RGS22: variants seen among roughly 807,000 people sequenced by gnomAD.
The protein encoded by RGS22 is regulator of G protein signaling 22.
In RGS22, 148 loss-of-function variants were observed where a neutral mutation model predicts 172.9. That is an observed-to-expected ratio of 0.86 (90% confidence interval 0.75 to 0.98). The LOEUF (loss-of-function observed/expected upper bound fraction) is 0.98. Ranked by LOEUF, RGS22 falls within the 50% of genes least tolerant of loss-of-function variation. The probability of loss-of-function intolerance (pLI) is 0.00; values close to 1 mark genes in which losing one functional copy is unlikely to be tolerated. For missense variants in RGS22, 1,347 were observed against 1,440.8 expected, an observed-to-expected ratio of 0.93 and a Z score of 1.05; for synonymous variants, 458 against 480.2, an observed-to-expected ratio of 0.95 and a Z score of 0.60.
chr8:99,980,102 T>C (rs1226862595), intron 22 of RGS22, among the ~76,000 whole-genome samples: 1 of 152,150 alleles, frequency 6.6e-6, no homozygotes, highest in African/African-American at 2.4e-5. Flanking sequence ...AGTTTTAAAA[T>C]TATTATTTGT....
intron 22 of RGS22, among the ~76,000 whole-genome samples, chr8:99,978,940 G>A (rs1812260528): frequency 6.6e-6 from 1 of 152,174 alleles, no homozygotes; most frequent in Non-Finnish European, 1.5e-5. Context: ...GATCAACAGA[G>A]ACCTGAAATG....
chr8:100,059,479 A>G (rs768731883), intron 9 of RGS22, among the ~76,000 whole-genome samples: 1 of 152,012 alleles, frequency 6.6e-6, no homozygotes, highest in Non-Finnish European at 1.5e-5. Flanking sequence ...AAAAAAAAGC[A>G]GGAGTAGCTA....
At chr8:100,079,171 TA>T (rs947982416) in intron 4 of RGS22, among the ~76,000 whole-genome samples, 5 of 152,210 alleles carry the variant, frequency 3.3e-5, no homozygotes, top group African/African-American at 1.2e-4. Context: ...AGGAAGTGAA[TA>T]AAACAATAAA....
intron 14 of RGS22, among the ~76,000 whole-genome samples, chr8:100,010,419 G>C (rs1273600682): frequency 6.6e-6 from 1 of 152,120 alleles, no homozygotes; most frequent in East Asian, 1.9e-4. Flanking sequence ...CCAGGAGGCG[G>C]AGGTTGCAGT....
At chr8:99,990,789 G>T (rs1387595916) in intron 20 of RGS22, among the ~76,000 whole-genome samples, 1 of 152,178 alleles carries the variant, frequency 6.6e-6, no homozygotes, top group African/African-American at 2.4e-5. Flanking sequence ...TCTGAGAACG[G>T]ACAGACTGCC....
intron 14 of RGS22, among the ~76,000 whole-genome samples, chr8:100,032,226 T>C (rs553789127): frequency 3.3e-5 from 5 of 152,148 alleles, no homozygotes; most frequent in African/African-American, 9.6e-5. Context: ...GACTGGCAAA[T>C]TGGATAGAGT....
intron 9 of RGS22, among the ~76,000 whole-genome samples, chr8:100,057,268 A>G (rs974443660): frequency 6.6e-6 from 1 of 152,220 alleles, no homozygotes; most frequent in African/African-American, 2.4e-5. Flanking sequence ...TTGATTTTAC[A>G]GGCTCATAGG....
chr8:100,030,772 T>C (rs1469222717), intron 14 of RGS22, among the ~76,000 whole-genome samples: 1 of 152,144 alleles, frequency 6.6e-6, no homozygotes, highest in Non-Finnish European at 1.5e-5. Flanking sequence ...TAGCAGGCTC[T>C]AATGGAAAAA....
At chr8:99,975,045 T>C (rs911553674) in intron 23 of RGS22, among the ~76,000 whole-genome samples, 34 of 151,724 alleles carry the variant, frequency 2.2e-4, no homozygotes, top group South Asian at 6.2e-4. Context: ...ACTCAGGAGA[T>C]TGAGGCAGAA....
At chr8:99,990,614 G>C (rs1046333067) in intron 20 of RGS22, among the ~76,000 whole-genome samples, 2 of 152,186 alleles carry the variant, frequency 1.3e-5, no homozygotes, top group African/African-American at 4.8e-5. Flanking sequence ...GTTGAAAGCT[G>C]CTGTACTATG....
At chr8:100,004,356 C>T (rs1815448682) in intron 16 of RGS22, among the ~76,000 whole-genome samples, 1 of 151,942 alleles carries the variant, frequency 6.6e-6, no homozygotes, top group South Asian at 2.1e-4. Context: ...AAAGCACTTG[C>T]TTGTAAATTA....
At chr8:100,084,884 T>C (rs1166279679) in intron 3 of RGS22, among the ~76,000 whole-genome samples, 2 of 152,178 alleles carry the variant, frequency 1.3e-5, no homozygotes, top group Non-Finnish European at 2.9e-5. Flanking sequence ...GTAAACAAAA[T>C]ACCGAAATAA....
At chr8:100,027,896 T>C (rs1476450074) in intron 14 of RGS22, among the ~76,000 whole-genome samples, 1 of 152,216 alleles carries the variant, frequency 6.6e-6, no homozygotes, top group Non-Finnish European at 1.5e-5. Flanking sequence ...ACCTTAAATA[T>C]TGACCCTAAT....
At chr8:100,085,670 A>T (rs554392656) in intron 3 of RGS22, among the ~76,000 whole-genome samples, 50 of 152,338 alleles carry the variant, frequency 3.3e-4, no homozygotes, top group African/African-American at 1.1e-3. Flanking sequence ...TATGTTTAAC[A>T]CTAGAATCAC....
intron 9 of RGS22, among the ~76,000 whole-genome samples, chr8:100,053,351 G>A (rs1323477912): frequency 6.6e-6 from 1 of 151,406 alleles, no homozygotes; most frequent in African/African-American, 2.4e-5. Context: ...GAACCCAGAA[G>A]GCGGAGGTTG....
intron 12 of RGS22, 67 bp from the exon 13 acceptor site, chr8:100,040,154 A>G: frequency 5.0e-6 from 7 of 1,404,606 alleles, no homozygotes; most frequent in Non-Finnish European, 6.9e-6. Flanking sequence ...GCATTACACA[A>G]CAGGATTTCA....
chr8:100,044,728 C>T (rs1820535447), intron 11 of RGS22, among the ~76,000 whole-genome samples: 1 of 149,600 alleles, frequency 6.7e-6, no homozygotes, highest in South Asian at 2.1e-4. Flanking sequence ...TCACTATATA[C>T]TGCTCCTTCT....
At chr8:100,094,870 A>T (rs1812845002) in intron 2 of RGS22, among the ~76,000 whole-genome samples, 1 of 152,272 alleles carries the variant, frequency 6.6e-6, no homozygotes, top group Admixed American at 6.5e-5. Context: ...ATTGTGCTAC[A>T]ATAAGGGTGG....
At chr8:100,084,032 T>C (rs576299466) in intron 3 of RGS22, among the ~76,000 whole-genome samples, 1 of 151,876 alleles carries the variant, frequency 6.6e-6, no homozygotes, top group African/African-American at 2.4e-5. Flanking sequence ...AGAGACGGGG[T>C]TTCACCATGT....
Sources: gnomAD v4.1 joint callset for allele counts (sites outside exome capture counted in the v4.1 genomes callset) on GRCh38, gnomAD v4.1.1 for gene constraint, MANE v1.5 for transcripts, NCBI Gene and HGNC (gene_info 2026-07-23, HGNC 2026-07-21) for gene names.